USP6NL: variants seen among roughly 807,000 people sequenced by gnomAD.
USP6NL encodes the protein USP6 N-terminal-like protein.
Under a neutral mutation model 61.9 loss-of-function variants are expected in USP6NL, and 26 were observed. That is an observed-to-expected ratio of 0.42 (90% CI 0.31 to 0.58). The LOEUF (loss-of-function observed/expected upper bound fraction) is 0.58, where lower values mean the gene tolerates loss of function less well. Among genes scored for constraint, USP6NL ranks in the 20% least tolerant of loss-of-function variants. The probability of loss-of-function intolerance (pLI) is 0.16; values close to 1 mark genes in which losing one functional copy is unlikely to be tolerated. For missense variants in USP6NL, 1,114 were observed against 1,034.3 expected (o/e 1.08, Z -1.06); for synonymous variants, 432 against 390.1 (o/e 1.11, Z -1.27).
At position 11,611,065 on chromosome 10, in the gene USP6NL, G is replaced by A. The variant is rs1838874096; in HGVS notation, c.-84+378C>T. 6.6e-6 allele frequency among the ~76,000 whole-genome samples: 1 copy of A among 152,186 alleles called. No individual in the cohort carries two copies. On this transcript the variant is annotated intron_variant, in intron 1 of 14. Coordinates refer to ENST00000609104, the MANE Select transcript of USP6NL (RefSeq NM_014688.5). The surrounding 1 kb of genome is among the most constrained non-coding windows in gnomAD (Gnocchi z 5.3). ...ATTTAAAGGCACGAAGTTTGCCCGG[G>A]TCCTGCCCACTGGGGCTCGGGAGAC... is the stretch of plus-strand genomic sequence containing the variant.
Position 11,489,361 on chromosome 10 carries a change from ACTCTT to A in USP6NL, c.544-144_544-140del. ...GGTCCATTCTAGAGACAAATACTAT[ACTCTT>A]TACAGTATTATGCCACATAAGAGAA... On this transcript the variant is annotated intron_variant, in intron 9 of 14. Coordinates refer to ENST00000609104, the MANE Select transcript of USP6NL (RefSeq NM_014688.5). This position sits in a 1 kb window ranked among gnomAD's most constrained non-coding sequence, Gnocchi z 5.7. 9.0e-7 allele frequency: 1 copy of A among 1,109,102 alleles called. No individual in the cohort carries two copies. The highest frequency in any genetic ancestry group is 1.2e-6 in the Non-Finnish European group (1 of 807,800). 68.7% of individuals were successfully genotyped at this position (1,109,102 alleles called of 1,614,324 possible). A position where few individuals can be genotyped will look rare whatever the true frequency, so the allele number is the denominator to read the frequency against.
chr10:11,579,911 A>C (rs1240922380), intron 2 of USP6NL, among the ~76,000 whole-genome samples: 1 of 147,702 alleles, frequency 6.8e-6, no homozygotes, highest in Middle Eastern at 3.2e-3. Context: ...GTGCGTCCAA[A>C]TATGACCCAT....
intron 5 of USP6NL, among the ~76,000 whole-genome samples, chr10:11,517,652 A>T (rs963023400): frequency 5.3e-5 from 8 of 152,236 alleles, no homozygotes; most frequent in Non-Finnish European, 1.2e-4. Context: ...GTCTGCCTAT[A>T]GGGTTCTCTA....
chr10:11,564,716 C>T (rs1239665344), intron 2 of USP6NL: 1 of 152,130 alleles, frequency 6.6e-6, no homozygotes, highest in African/African-American at 2.4e-5. Flanking sequence ...CTACCAGTTC[C>T]CAGCTATCCC....
intron 6 of USP6NL, among the ~76,000 whole-genome samples, chr10:11,505,877 T>G (rs1834408610): frequency 6.6e-6 from 1 of 152,226 alleles, no homozygotes; most frequent in African/African-American, 2.4e-5. Flanking sequence ...TGCCTTTCAC[T>G]GCCTCTCCAT....
rs992704802 is a variant in USP6NL, at chr10:11,470,935, C to T, written c.1079-7086G>A. ...GCGTGGTGGCTCACGCCTGTAATCC[C>T]AGCACTTTGGGAGGCCGAGGTGGGC... On this transcript the variant is annotated intron_variant, in intron 14 of 14. Transcript: ENST00000609104. The surrounding 1 kb of genome is among the most constrained non-coding windows in gnomAD (Gnocchi z 5.4). 2.6e-5 allele frequency among the ~76,000 whole-genome samples: 4 copies of T among 152,192 alleles called. No homozygotes were observed. The highest frequency in any genetic ancestry group is 5.9e-5 in the Non-Finnish European group (4 of 68,032).
At chr10:11,471,376 T>G (rs1832742437) in intron 14 of USP6NL, among the ~76,000 whole-genome samples, 1 of 152,188 alleles carries the variant, frequency 6.6e-6, no homozygotes, top group Non-Finnish European at 1.5e-5. Flanking sequence ...ACACTGTTGG[T>G]GGGGCTGTAA....
At chr10:11,527,734 A>G (rs536007439) in intron 2 of USP6NL, among the ~76,000 whole-genome samples, 167 bp from the exon 3 acceptor site, 8 of 152,234 alleles carry the variant, frequency 5.3e-5, no homozygotes, top group Non-Finnish European at 1.0e-4. Flanking sequence ...ACAACTTTGT[A>G]ATAGCAATAC....
chr10:11,493,238 G>C lies in USP6NL; in HGVS notation c.385-10C>G, dbSNP rs762869096. ...CTCTGTGTTTTAATTTCTGAAGAGAGAAAGAGAGAACAGAACAGATTTTTA... is the reference window on the plus strand; with the variant it reads ...CTCTGTGTTTTAATTTCTGAAGAGACAAAGAGAGAACAGAACAGATTTTTA... On this transcript the variant is annotated splice_polypyrimidine_tract_variant and intron_variant, in intron 7 of 14. Transcript: ENST00000609104. 16 of 1,594,240 alleles carry C rather than the reference G, an allele frequency of 1.0e-5. No homozygotes were observed. In the South Asian group the frequency reaches 1.6e-4, roughly 16 times the overall value.
chr10:11,579,941 A>G (rs184685740), intron 2 of USP6NL, among the ~76,000 whole-genome samples: 1 of 142,780 alleles, frequency 7.0e-6, no homozygotes, highest in Admixed American at 7.3e-5. Context: ...TTTGCAGATT[A>G]CAAACCACCA....
chr10:11,476,034 A>G lies in USP6NL; in HGVS notation c.1078+5736T>C, dbSNP rs926478956. 1.3e-5 allele frequency among the ~76,000 whole-genome samples: 2 copies of G among 152,204 alleles called. No homozygotes were observed. Among genetic ancestry groups the G allele is most frequent in the African/African-American group, 4.8e-5 (2 of 41,454 alleles). On this transcript the variant is annotated intron_variant, in intron 14 of 14. Transcript: ENST00000609104. This position sits in a 1 kb window ranked among gnomAD's most constrained non-coding sequence, Gnocchi z 4.3. ...ACAGAATAGTGGGACTGTGCTCTTC[A>G]GCAGCTCAGTGTCATTCAGAGGAAA...
At chr10:11,527,647 T>A (rs1021339514) in intron 2 of USP6NL, 80 bp from the exon 3 acceptor site, 1 of 1,287,232 alleles carries the variant, frequency 7.8e-7, no homozygotes, top group Admixed American at 2.4e-5. Flanking sequence ...TAAGACATAA[T>A]AAAACAAAAA....
In USP6NL at chr10:11,463,886, C is replaced by T. The variant is rs770676205; in HGVS notation, c.1079-37G>A. 1.2e-5 allele frequency: 18 copies of T among 1,450,870 alleles called. No homozygotes were observed. The highest frequency in any genetic ancestry group is 2.9e-5 in the Admixed American group (1 of 34,898). 89.9% of individuals were successfully genotyped at this position (1,450,870 alleles called of 1,614,324 possible). A position where few individuals can be genotyped will look rare whatever the true frequency, so the allele number is the denominator to read the frequency against. ...GAGAAAGGCTAAGTAAGATAATACA[C>T]GAGTAAACAGTAGCCAGTTGAAGCA... On this transcript the variant is annotated intron_variant, in intron 14 of 14. Transcript: ENST00000609104. This position sits in a 1 kb window ranked among gnomAD's most constrained non-coding sequence, Gnocchi z 6.3.
chr10:11,542,540 GAAATCCCATGTCTACTAAA>G (rs1836108763), intron 2 of USP6NL, among the ~76,000 whole-genome samples: 1 of 152,100 alleles, frequency 6.6e-6, no homozygotes, highest in Middle Eastern at 3.2e-3. Context: ...CCAACACAGC[GAAATCCCATGTCTACTAAA>G]AATACAAAAG....
At chr10:11,472,779 A>G (rs1013266492) in intron 14 of USP6NL, among the ~76,000 whole-genome samples, 2 of 152,202 alleles carry the variant, frequency 1.3e-5, no homozygotes, top group African/African-American at 2.4e-5. Context: ...TAATTTTTTT[A>G]AAGTTCAAAA....
chr10:11,533,557 G>T (rs1047577009), intron 2 of USP6NL, among the ~76,000 whole-genome samples: 1 of 152,212 alleles, frequency 6.6e-6, no homozygotes, highest in African/African-American at 2.4e-5. Flanking sequence ...GGAGGAGGCA[G>T]TGTGATGGTG....
At chr10:11,466,956 G>C (rs187328215) in intron 14 of USP6NL, among the ~76,000 whole-genome samples, 1 of 152,210 alleles carries the variant, frequency 6.6e-6, no homozygotes, top group East Asian at 1.9e-4. Context: ...GTTCATTAAG[G>C]AGCTCATGAG....
At chr10:11,607,675 G>T (rs1838753690) in intron 1 of USP6NL, among the ~76,000 whole-genome samples, 1 of 152,110 alleles carries the variant, frequency 6.6e-6, no homozygotes, top group Non-Finnish European at 1.5e-5. Flanking sequence ...GACAGGGTGA[G>T]ACCCTGTCAC....
At chr10:11,466,461 C>A (rs1376212216) in intron 14 of USP6NL, among the ~76,000 whole-genome samples, 1 of 152,104 alleles carries the variant, frequency 6.6e-6, no homozygotes, top group African/African-American at 2.4e-5. Context: ...GAATCTGCCA[C>A]AATAAGCTGT....
Sources: allele counts gnomAD v4.1 joint callset (sites outside exome capture counted in the v4.1 genomes callset), GRCh38; gene constraint gnomAD v4.1.1; non-coding constraint Gnocchi (gnomAD v3.1); transcripts MANE v1.5; gene names NCBI Gene and HGNC (gene_info 2026-07-23, HGNC 2026-07-21).